SCUBE1: variants seen among roughly 807,000 people sequenced by gnomAD.
SCUBE1 encodes the protein signal peptide, CUB and EGF-like domain-containing protein 1.
A neutral mutation model predicts 124.4 loss-of-function variants in SCUBE1; 59 were observed. That is an observed-to-expected ratio of 0.47 (90% CI 0.38 to 0.59). The LOEUF (loss-of-function observed/expected upper bound fraction) is 0.59, where lower values mean the gene tolerates loss of function less well. Among genes scored for constraint, SCUBE1 ranks in the 20% least tolerant of loss-of-function variants. The probability of loss-of-function intolerance (pLI) is 0.00; values close to 1 mark genes in which losing one functional copy is unlikely to be tolerated. For missense variants in SCUBE1, 1,150 were observed against 1,371.2 expected (o/e 0.84, Z 2.55); for synonymous variants, 545 against 550.9 (o/e 0.99, Z 0.15).
In SCUBE1 at chr22:43,295,118, T is replaced by C. The variant is rs547756465; in HGVS notation, c.350-3938A>G. On this transcript the variant is annotated intron_variant, in intron 3 of 21. Transcript: ENST00000360835. The stretch of plus-strand genomic sequence containing the variant: ...TCCTCCCGCAGGATTCAGCTGTGAA[T>C]GACGACCCTTCAAGTCCGATGGCGG... 2.6e-5 allele frequency among the ~76,000 whole-genome samples: 4 copies of C among 152,316 alleles called. No individual in the cohort carries two copies. The East Asian group carries it at 7.7e-4, about 29-fold the overall frequency.
chr22:43,246,908 C>G (rs553271612), intron 6 of SCUBE1, among the ~76,000 whole-genome samples: 9 of 147,686 alleles, frequency 6.1e-5, no homozygotes, highest in Admixed American at 2.0e-4. Flanking sequence ...GCACCTGGAG[C>G]CTGTGTCCAT....
rs1442295301 is a variant in SCUBE1 at position 43,201,323 on chromosome 22, A to AAAAAG, written c.*2669_*2673dup. On this transcript the variant is annotated 3_prime_UTR_variant, in exon 22 of 22. Transcript: ENST00000360835. ...CATCTCAAAAAAAAAAAAAAAAAAA[A>AAAAAG]AAAAGAAAACAAAAAAAGAAAACAA... 2.0e-5 allele frequency: 3 copies of AAAAAG among 146,844 alleles called. No individual in the cohort carries two copies. The highest frequency in any genetic ancestry group is 3.0e-5 in the Non-Finnish European group (2 of 67,252). The allele number at this position is 146,844 out of a possible 1,614,324, so 9.1% of individuals were successfully genotyped here. A position where few individuals can be genotyped will look rare whatever the true frequency, so the allele number is the denominator to read the frequency against.
chr22:43,281,540 T>TCCTGTCACCTCCCTCTTTGGC (rs1924893514), intron 4 of SCUBE1, among the ~76,000 whole-genome samples: 5 of 40,772 alleles, frequency 1.2e-4, no homozygotes, highest in East Asian at 2.0e-3. Context: ...CCTCCCTCAG[T>TCCTGTCACCTCCCTCTTTGGC]CACCCTCCTG....
At chr22:43,312,012 C>T (rs576452897) in intron 3 of SCUBE1, among the ~76,000 whole-genome samples, 2 of 152,042 alleles carry the variant, frequency 1.3e-5, no homozygotes, top group African/African-American at 2.4e-5. Context: ...TGAGGCTCAT[C>T]GTGGTATGGG....
intron 19 of SCUBE1, among the ~76,000 whole-genome samples, chr22:43,209,227 G>A (rs946922732): frequency 2.0e-5 from 3 of 152,274 alleles, no homozygotes; most frequent in African/African-American, 4.8e-5. Context: ...TCATCTGGCC[G>A]GTCTCTGTGG....
chr22:43,300,278 CA>C (rs1338394642), intron 3 of SCUBE1, among the ~76,000 whole-genome samples: 1 of 146,748 alleles, frequency 6.8e-6, no homozygotes, highest in Non-Finnish European at 1.5e-5. Context: ...TCCTCGCCAA[CA>C]CTTGTTCCTT....
chr22:43,266,158 A>G (rs1289962133), intron 4 of SCUBE1, among the ~76,000 whole-genome samples: 1 of 152,126 alleles, frequency 6.6e-6, no homozygotes, highest in East Asian at 1.9e-4. Flanking sequence ...TAAAAGCTAT[A>G]TTTTCCAGAA....
chr22:43,296,476 G>C (rs111943602), intron 3 of SCUBE1, among the ~76,000 whole-genome samples: 19 of 152,330 alleles, frequency 1.2e-4, no homozygotes, highest in African/African-American at 3.8e-4. Flanking sequence ...CAGAAGGCAC[G>C]GAGCTCCTCA....
chr22:43,309,920 A>G (rs906757942), intron 3 of SCUBE1, among the ~76,000 whole-genome samples: 2 of 152,092 alleles, frequency 1.3e-5, no homozygotes, highest in African/African-American at 4.8e-5. Context: ...CGAAGCCACC[A>G]ACCGCTCTGA....
intron 6 of SCUBE1, among the ~76,000 whole-genome samples, chr22:43,252,019 T>C (rs897936854): frequency 2.6e-5 from 4 of 152,212 alleles, no homozygotes; most frequent in African/African-American, 9.7e-5. Flanking sequence ...ATAATTGAAA[T>C]TTATCACTTT....
chr22:43,289,914 TGTACCA>T (rs1420848043), intron 4 of SCUBE1, among the ~76,000 whole-genome samples: 3 of 152,186 alleles, frequency 2.0e-5, no homozygotes, highest in Admixed American at 2.0e-4. Context: ...GCAGGTGCTG[TGTACCA>T]GAGAGGGGCG....
chr22:43,330,611 C>T (rs1926874515), intron 2 of SCUBE1, among the ~76,000 whole-genome samples: 1 of 152,240 alleles, frequency 6.6e-6, no homozygotes, highest in Non-Finnish European at 1.5e-5. Flanking sequence ...TCAACTGAAT[C>T]CAGTCCAGTG....
At chr22:43,291,308 G>C in intron 3 of SCUBE1, 128 bp from the exon 4 acceptor site, 11 of 994,114 alleles carry the variant, frequency 1.1e-5, no homozygotes, top group South Asian at 1.5e-5. Flanking sequence ...TCCAGAGAGG[G>C]CCTCCCTGGT....
At chr22:43,220,301 C>T in intron 14 of SCUBE1, 149 bp downstream of exon 14, 1 of 889,450 alleles carries the variant, frequency 1.1e-6, no homozygotes, top group Non-Finnish European at 1.7e-6. Context: ...TGTGGGCCTG[C>T]CTCTGTCTCC....
In SCUBE1 at chr22:43,213,981, T is replaced by A. The variant is rs1921687807; in HGVS notation, c.2053+109A>T. The A allele has an allele frequency of 8.8e-6, 10 of 1,135,540 alleles. No homozygotes were observed. The Admixed American group carries it at 2.8e-4, about 32-fold the overall frequency. The allele number at this position is 1,135,540 out of a possible 1,614,324, so 70.3% of individuals were successfully genotyped here. ...CAAGGAACTTTAGAAAATACCACACTCTCTGGCCACACCAGGCACCTGGGC... is the reference window on the plus strand; with the variant it reads ...CAAGGAACTTTAGAAAATACCACACACTCTGGCCACACCAGGCACCTGGGC... On this transcript the variant is annotated intron_variant, in intron 16 of 21. Transcript: ENST00000360835.
chr22:43,240,497 G>C (rs1054693119), intron 6 of SCUBE1, among the ~76,000 whole-genome samples: 1 of 152,234 alleles, frequency 6.6e-6, no homozygotes, highest in Non-Finnish European at 1.5e-5. Context: ...TGGTATGACT[G>C]GCACTTGGCC....
At chr22:43,260,305 C>T (rs922774091) in intron 5 of SCUBE1, among the ~76,000 whole-genome samples, 4 of 152,200 alleles carry the variant, frequency 2.6e-5, no homozygotes, top group Non-Finnish European at 4.4e-5. Context: ...CCCCAAAGGT[C>T]GAGCCTTCGA....
rs772837201 is a variant in SCUBE1 at position 43,210,802 on chromosome 22, G to A, written c.2383+120C>T. On this transcript the variant is annotated intron_variant, in intron 18 of 21. Transcript: ENST00000360835. The surrounding 1 kb of genome is among the most constrained non-coding windows in gnomAD (Gnocchi z 4.5). ...AATGCACCCGAGAGCAGACGGGACG[G>A]AGCGGGAGGAGTCCAGTGTCCTCGT... 61 of 1,205,080 alleles carry A rather than the reference G, an allele frequency of 5.1e-5. 1 individual carries two copies. Among genetic ancestry groups the A allele is most frequent in the Middle Eastern group, 5.3e-4 (2 of 3,788 alleles). The allele number at this position is 1,205,080 out of a possible 1,614,324, so 74.6% of individuals were successfully genotyped here. A position where few individuals can be genotyped will look rare whatever the true frequency, so the allele number is the denominator to read the frequency against.
At chr22:43,237,101 G>C (rs1027704261) in intron 7 of SCUBE1, among the ~76,000 whole-genome samples, 1 of 151,656 alleles carries the variant, frequency 6.6e-6, no homozygotes, top group African/African-American at 2.4e-5. Flanking sequence ...AGGAAATGTG[G>C]TGGGGTGGGG....
Sources: allele counts gnomAD v4.1 joint callset (sites outside exome capture counted in the v4.1 genomes callset), GRCh38; gene constraint gnomAD v4.1.1; non-coding constraint Gnocchi (gnomAD v3.1); transcripts MANE v1.5; gene names NCBI Gene and HGNC (gene_info 2026-07-23, HGNC 2026-07-21).